Variants in PIP5K1C observed in about 807,000 individuals in gnomAD.
The protein encoded by PIP5K1C is phosphatidylinositol 4-phosphate 5-kinase type-1 gamma.
PIP5K1C carries 45 observed loss-of-function variants against 80.1 expected under a neutral mutation model. That is an observed-to-expected ratio of 0.56 (90% CI 0.44 to 0.72). The LOEUF is 0.72. Ranked by LOEUF, PIP5K1C falls within the 30% of genes least tolerant of loss-of-function variation. The probability of loss-of-function intolerance (pLI) is 0.00; values close to 1 mark genes in which losing one functional copy is unlikely to be tolerated. For synonymous variants in PIP5K1C, 498 were observed against 420.1 expected, an observed-to-expected ratio of 1.19 and a Z score of -2.27; for missense variants, 753 against 954.6, an observed-to-expected ratio of 0.79 and a Z score of 2.78.
intron 5 of PIP5K1C, among the ~76,000 whole-genome samples, chr19:3,657,216 C>T (rs192907788): frequency 1.6e-4 from 25 of 152,164 alleles, no homozygotes; most frequent in African/African-American, 4.1e-4. Flanking sequence ...ATGATGTGCT[C>T]GCTGTCTCTC....
At chr19:3,666,926 C>A (rs1321351379) in intron 2 of PIP5K1C, among the ~76,000 whole-genome samples, 1 of 152,258 alleles carries the variant, frequency 6.6e-6, no homozygotes, top group African/African-American at 2.4e-5. Flanking sequence ...GCCCTCTGGG[C>A]AGCGTCTAAC....
At chr19:3,666,975 G>A (rs749235272) in intron 2 of PIP5K1C, among the ~76,000 whole-genome samples, 15 of 123,470 alleles carry the variant, frequency 1.2e-4, no homozygotes, top group African/African-American at 2.8e-4. Flanking sequence ...CCAGTCCCCC[G>A]GCGAGAGCTG....
chr19:3,647,283 C>T lies in PIP5K1C; in HGVS notation c.1260+55G>A. ...GAGGGATGGGAGGAGGGTGCAGGCA[C>T]TCACAGGAGGAGGAGGGATGGGAGG... is the stretch of plus-strand genomic sequence containing the variant. On this transcript the variant is annotated intron_variant, in intron 10 of 17. Transcript: ENST00000335312. 2.0e-6 allele frequency: 3 copies of T among 1,471,998 alleles called. No individual in the cohort carries two copies. The South Asian group carries it at 3.6e-5, about 18-fold the overall frequency. The allele number at this position is 1,471,998 out of a possible 1,614,324, so 91.2% of individuals were successfully genotyped here.
intron 13 of PIP5K1C, 38 bp downstream of exon 13, chr19:3,643,181 AATGCCCCGCCCCCACGCACAGCGG>A (rs1026129469): frequency 2.0e-4 from 317 of 1,601,898 alleles, no homozygotes; most frequent in Non-Finnish European, 8.8e-5. Context: ...ACATGCAGTG[AATGCCCCGCCCCCACGCACAGCGG>A]ATGCCCCGCC....
At chr19:3,665,673 G>A (rs1354862570) in intron 2 of PIP5K1C, among the ~76,000 whole-genome samples, 1 of 152,162 alleles carries the variant, frequency 6.6e-6, no homozygotes, top group Non-Finnish European at 1.5e-5. Flanking sequence ...TGGTCTCACT[G>A]GCCAGGGTCA....
intron 11 of PIP5K1C, 150 bp from the exon 12 acceptor site, chr19:3,644,401 T>A: frequency 1.3e-6 from 1 of 785,002 alleles, no homozygotes. Context: ...AACCTCTTGG[T>A]GGAAAACCGG....
intron 1 of PIP5K1C, among the ~76,000 whole-genome samples, chr19:3,678,683 G>GC (rs2035490571): frequency 7.4e-6 from 1 of 135,340 alleles, no homozygotes; most frequent in Admixed American, 7.2e-5. Context: ...TGGCGAGATG[G>GC]AGGGATGGCG....
chr19:3,644,056 C>T, intron 12 of PIP5K1C, 31 bp downstream of exon 12: 1 of 1,608,362 alleles, frequency 6.2e-7, no homozygotes, highest in Non-Finnish European at 8.5e-7. Context: ...CCTGTAGCGC[C>T]CACAAGCGCA....
At chr19:3,693,945 G>T (rs1334033042) in intron 1 of PIP5K1C, among the ~76,000 whole-genome samples, 1 of 150,516 alleles carries the variant, frequency 6.6e-6, no homozygotes, top group East Asian at 2.0e-4. Context: ...GGGCGCGGTG[G>T]CTCACACCTG....
chr19:3,633,681 G>T (rs1407471921), intron 16 of PIP5K1C, among the ~76,000 whole-genome samples, 161 bp from the exon 17 acceptor site: 1 of 152,150 alleles, frequency 6.6e-6, no homozygotes, highest in Non-Finnish European at 1.5e-5. Context: ...CTGACCCGGT[G>T]GACTTGCTCC....
At chr19:3,657,534 A>G (rs1222779683) in intron 5 of PIP5K1C, among the ~76,000 whole-genome samples, 1 of 152,134 alleles carries the variant, frequency 6.6e-6, no homozygotes, top group Non-Finnish European at 1.5e-5. Context: ...CTGCTGGACG[A>G]CAGAAGGGTG....
In PIP5K1C at chr19:3,643,230, A is replaced by C. The variant is rs369536238; in HGVS notation, c.1649+13T>G. 1.2e-6 allele frequency: 2 copies of C among 1,612,616 alleles called. No individual in the cohort carries two copies. The highest frequency in any genetic ancestry group is 1.7e-5 in the Admixed American group (1 of 59,992). On this transcript the variant is annotated intron_variant, in intron 13 of 17. Coordinates refer to ENST00000335312, the MANE Select transcript of PIP5K1C (RefSeq NM_012398.3). ...GATGCCCCGCCCACATGCACTGCGG[A>C]TGCCTCGCCCACCTGTACCGCGGCT... is the stretch of plus-strand genomic sequence containing the variant.
intron 1 of PIP5K1C, among the ~76,000 whole-genome samples, chr19:3,681,404 G>C (rs2035584673): frequency 6.6e-6 from 1 of 151,918 alleles, no homozygotes; most frequent in Non-Finnish European, 1.5e-5. Context: ...GCTAATTTTT[G>C]TATTTCTAGT....
At position 3,662,108 on chromosome 19, in the gene PIP5K1C, C is replaced by T. The variant is rs957119163; in HGVS notation, c.220-107G>A. ...TCGTGACCAGCTGCAGCTTGGGACCCGGCACCTGCCAACCCCCTCCTGGTG... is the reference window on the plus strand; with the variant it reads ...TCGTGACCAGCTGCAGCTTGGGACCTGGCACCTGCCAACCCCCTCCTGGTG... On this transcript the variant is annotated intron_variant, in intron 3 of 17. Transcript: ENST00000335312. 4.5e-5 allele frequency: 61 copies of T among 1,361,220 alleles called. 1 individual carries two copies. The highest frequency in any genetic ancestry group is 3.6e-4 in the South Asian group (28 of 76,932). The allele number at this position is 1,361,220 out of a possible 1,614,324, so 84.3% of individuals were successfully genotyped here.
chr19:3,695,302 C>T (rs2036067930), intron 1 of PIP5K1C, among the ~76,000 whole-genome samples: 1 of 152,216 alleles, frequency 6.6e-6, no homozygotes. Context: ...GGTGAGCTCG[C>T]TTGGCACCTG....
chr19:3,675,192 C>T (rs185927059), intron 1 of PIP5K1C, among the ~76,000 whole-genome samples: 3 of 152,194 alleles, frequency 2.0e-5, no homozygotes, highest in Admixed American at 1.3e-4. Flanking sequence ...GTGAATACGC[C>T]GAGAAGAATT....
intron 1 of PIP5K1C, among the ~76,000 whole-genome samples, chr19:3,682,470 A>G (rs2035618825): frequency 6.6e-6 from 1 of 151,726 alleles, no homozygotes; most frequent in Non-Finnish European, 1.5e-5. Context: ...GCTTGAGCCC[A>G]GGAATTCCAG....
chr19:3,691,966 C>T (rs1390864417), intron 1 of PIP5K1C, among the ~76,000 whole-genome samples: 1 of 152,188 alleles, frequency 6.6e-6, no homozygotes, highest in African/African-American at 2.4e-5. Flanking sequence ...GCTCCCACCC[C>T]AGGCTCTTTT....
In PIP5K1C at chr19:3,633,487, G is replaced by A. The variant is rs1255049992; in HGVS notation, c.1954C>T (p.Leu652Phe). 4.8e-5 allele frequency: 73 copies of A among 1,511,568 alleles called. No individual in the cohort carries two copies. Among genetic ancestry groups the A allele is most frequent in the Middle Eastern group, 1.8e-4 (1 of 5,568 alleles). The allele number at this position is 1,511,568 out of a possible 1,614,324, so 93.6% of individuals were successfully genotyped here. The change falls in exon 17 of 18, where the codon CTC (leucine) becomes TTC (phenylalanine). Residue 652 changes from leucine to phenylalanine, a missense_variant. Physicochemically the swap from Leu to Phe is conservative, Grantham distance 22. Around this residue, in one of 6 missense-constraint regions of PIP5K1C, gnomAD observed 315 missense variants for 294.5 expected, o/e 1.07. Coordinates refer to ENST00000335312, the MANE Select transcript of PIP5K1C (RefSeq NM_012398.3). ...GGGGGGGCCTGGGCGCTATAGTGGAGCGGGGAGTACACCCAGCTCCTCTCA... is the reference window on the plus strand; with the variant it reads ...GGGGGGGCCTGGGCGCTATAGTGGAACGGGGAGTACACCCAGCTCCTCTCA... Reference protein sequence around the residue: ...TDERSWVYSPLHYSAQAPPAS... With the variant: ...TDERSWVYSPFHYSAQAPPAS...
Sources: allele counts gnomAD v4.1 joint callset (sites outside exome capture counted in the v4.1 genomes callset), GRCh38; gene constraint gnomAD v4.1.1; regional missense constraint gnomAD v4.1.1; transcripts MANE v1.5; gene names NCBI Gene and HGNC (gene_info 2026-07-23, HGNC 2026-07-21).